TAFA4: variants seen among roughly 807,000 people sequenced by gnomAD.
TAFA4 encodes the protein TAFA chemokine like family member 4.
A neutral mutation model predicts 21.1 loss-of-function variants in TAFA4; 20 were observed. The observed-to-expected ratio is 0.95, with a 90% CI of 0.67 to 1.38. The LOEUF is 1.38. Among genes scored for constraint, TAFA4 ranks in the 40% most tolerant of loss-of-function variants. The pLI is 0.00. For missense variants in TAFA4, 211 were observed against 180.9 expected, an observed-to-expected ratio of 1.17 and a Z score of -0.95; for synonymous variants, 71 against 67.4, an observed-to-expected ratio of 1.05 and a Z score of -0.26.
chr3:68,747,567 T>C (rs751342208), intron 4 of TAFA4, among the ~76,000 whole-genome samples: 3 of 152,176 alleles, frequency 2.0e-5, no homozygotes, highest in Non-Finnish European at 4.4e-5. Context: ...TGTGAGTCCA[T>C]TAAACCTCTT....
At chr3:68,931,042 T>C (rs1316256757) in intron 1 of TAFA4, among the ~76,000 whole-genome samples, 1 of 152,166 alleles carries the variant, frequency 6.6e-6, no homozygotes, top group Non-Finnish European at 1.5e-5. Flanking sequence ...AGCTAGGCCA[T>C]CAGTGTGCAC....
intron 3 of TAFA4, among the ~76,000 whole-genome samples, chr3:68,807,997 T>C (rs1011473370): frequency 1.3e-5 from 2 of 152,188 alleles, no homozygotes; most frequent in African/African-American, 4.8e-5. Context: ...GAGCATTATA[T>C]TGGAAGGGTG....
chr3:68,753,971 T>C (rs142816225), intron 3 of TAFA4, among the ~76,000 whole-genome samples: 1 of 152,332 alleles, frequency 6.6e-6, no homozygotes, highest in African/African-American at 2.4e-5. Flanking sequence ...AACATGGGGC[T>C]AAATGTGTGG....
intron 1 of TAFA4, among the ~76,000 whole-genome samples, chr3:68,905,522 AC>A (rs2089890992): frequency 6.6e-6 from 1 of 152,126 alleles, no homozygotes; most frequent in African/African-American, 2.4e-5. Flanking sequence ...TCAGATACTG[AC>A]TTTAAAATTA....
intron 1 of TAFA4, among the ~76,000 whole-genome samples, chr3:68,917,284 T>C (rs189051404): frequency 1.2e-3 from 185 of 152,320 alleles, no homozygotes; most frequent in Middle Eastern, 3.4e-3. Flanking sequence ...ATCAGGTTAA[T>C]GTAATGACAG....
chr3:68,735,318 T>C (rs1441453409), intron 5 of TAFA4, among the ~76,000 whole-genome samples: 1 of 152,088 alleles, frequency 6.6e-6, no homozygotes, highest in Non-Finnish European at 1.5e-5. Context: ...TGGGGATCCA[T>C]TGATGTTCTC....
chr3:68,789,043 C>G (rs980195375), intron 3 of TAFA4, among the ~76,000 whole-genome samples: 2 of 152,060 alleles, frequency 1.3e-5, no homozygotes, highest in Non-Finnish European at 1.5e-5. Context: ...GCCATCCTGG[C>G]TAACATGGTG....
chr3:68,753,877 T>C (rs35336306), intron 3 of TAFA4, among the ~76,000 whole-genome samples: 9,695 of 152,254 alleles, frequency 0.064, 718 homozygotes, highest in East Asian at 0.26. Context: ...AGGAATGCAG[T>C]CTGCTGCTAC....
rs574025866 is a variant in TAFA4 at position 68,802,433 on chromosome 3, G to T, written c.131-49415C>A. On this transcript the variant is annotated intron_variant, in intron 3 of 5. Transcript: ENST00000295569. ...TGTTGATTTCTTTAGGGGAAGGGGG[G>T]TTGGCAGGAAGGATAATTGTTAAAA... Among the ~76,000 whole-genome samples, 10 of 150,584 alleles carry T rather than the reference G, an allele frequency of 6.6e-5. No individual in the cohort carries two copies. The South Asian group carries it at 2.2e-3, about 33-fold the overall frequency.
chr3:68,841,853 A>G (rs4476507), intron 3 of TAFA4, among the ~76,000 whole-genome samples: 1 of 151,924 alleles, frequency 6.6e-6, no homozygotes, highest in Non-Finnish European at 1.5e-5. Flanking sequence ...AGCTTCATCC[A>G]TATCCCTGCA....
intron 1 of TAFA4, among the ~76,000 whole-genome samples, chr3:68,897,396 G>C (rs1262570485): frequency 6.9e-6 from 1 of 143,992 alleles, no homozygotes; most frequent in Non-Finnish European, 1.5e-5. Flanking sequence ...GGAGGCCAAG[G>C]GGGGCAGACA....
intron 1 of TAFA4, among the ~76,000 whole-genome samples, chr3:68,918,828 A>C (rs1484006723): frequency 6.6e-6 from 1 of 152,238 alleles, no homozygotes; most frequent in Non-Finnish European, 1.5e-5. Context: ...GGTGTGAGCC[A>C]CCATGCCCAG....
chr3:68,814,366 G>T (rs566443861), intron 3 of TAFA4, among the ~76,000 whole-genome samples: 3 of 152,260 alleles, frequency 2.0e-5, no homozygotes, highest in African/African-American at 7.2e-5. Flanking sequence ...AGGAAAAGAG[G>T]AAGTCAAATT....
At chr3:68,931,051 A>T (rs1242049923) in intron 1 of TAFA4, among the ~76,000 whole-genome samples, 1 of 152,198 alleles carries the variant, frequency 6.6e-6, no homozygotes, top group South Asian at 2.1e-4. Context: ...ATCAGTGTGC[A>T]CAAGTTTGGG....
intron 3 of TAFA4, among the ~76,000 whole-genome samples, chr3:68,843,009 G>C (rs150405308): frequency 6.6e-6 from 1 of 152,248 alleles, no homozygotes; most frequent in African/African-American, 2.4e-5. Flanking sequence ...GATTGTCTTG[G>C]CTATATGGGC....
At chr3:68,920,803 A>T (rs1351406874) in intron 1 of TAFA4, among the ~76,000 whole-genome samples, 2 of 152,030 alleles carry the variant, frequency 1.3e-5, no homozygotes, top group African/African-American at 4.8e-5. Context: ...AGACAGTACC[A>T]CCCACACATG....
intron 1 of TAFA4, among the ~76,000 whole-genome samples, chr3:68,909,186 A>T (rs7638527): frequency 0.96 from 146,387 of 152,276 alleles, 70,644 homozygotes; most frequent in East Asian, 1. Context: ...CCCCCAAAAA[A>T]AAAAGGGATT....
intron 3 of TAFA4, among the ~76,000 whole-genome samples, chr3:68,879,317 T>A (rs932588813): frequency 6.6e-6 from 1 of 152,128 alleles, no homozygotes; most frequent in Non-Finnish European, 1.5e-5. Flanking sequence ...TCCTGAGTTC[T>A]CCATCAGCTG....
chr3:68,849,466 T>A (rs1420311329), intron 3 of TAFA4, among the ~76,000 whole-genome samples: 1 of 152,144 alleles, frequency 6.6e-6, no homozygotes, highest in African/African-American at 2.4e-5. Context: ...CTGGAGAGAC[T>A]CTGTGAGAGG....
Sources: gnomAD v4.1 joint callset for allele counts (sites outside exome capture counted in the v4.1 genomes callset) on GRCh38, gnomAD v4.1.1 for gene constraint, MANE v1.5 for transcripts, NCBI Gene and HGNC (gene_info 2026-07-23, HGNC 2026-07-21) for gene names.